GRM3: variants seen among roughly 807,000 people sequenced by gnomAD.
The protein encoded by GRM3 is glutamate metabotropic receptor 3.
Under a neutral mutation model 70.5 loss-of-function variants are expected in GRM3, and 26 were observed. The observed-to-expected ratio is 0.37, with a 90% CI of 0.27 to 0.51. The LOEUF is 0.51. Ranked by LOEUF, GRM3 falls within the 20% of genes least tolerant of loss-of-function variation. GRM3 has a pLI of 0.93. For synonymous variants in GRM3, 443 were observed against 434.9 expected (o/e 1.02, Z -0.23); for missense variants, 859 against 1,123.8 (o/e 0.76, Z 3.37).
At chr7:86,851,435 T>C (rs113396525) in intron 5 of GRM3, among the ~76,000 whole-genome samples, 1 of 152,124 alleles carries the variant, frequency 6.6e-6, no homozygotes, top group Admixed American at 6.6e-5. Context: ...TTCAGCTAAA[T>C]TGTGGTATGA....
At chr7:86,658,441 C>T (rs1051125170) in intron 1 of GRM3, among the ~76,000 whole-genome samples, 8 of 152,142 alleles carry the variant, frequency 5.3e-5, no homozygotes, top group Non-Finnish European at 1.0e-4. Context: ...TGCACTGGTC[C>T]ACTCCAACCC....
intron 1 of GRM3, among the ~76,000 whole-genome samples, chr7:86,731,142 A>G (rs1046533131): frequency 6.6e-6 from 1 of 152,090 alleles, no homozygotes; most frequent in African/African-American, 2.4e-5. Context: ...TAGAGCTATG[A>G]CCTGTATTTC....
chr7:86,705,299 G>C (rs1351694964), intron 1 of GRM3, among the ~76,000 whole-genome samples: 1 of 151,474 alleles, frequency 6.6e-6, no homozygotes, highest in East Asian at 1.9e-4. Flanking sequence ...TCTCATTAAA[G>C]TGAAACACAA....
At chr7:86,759,957 G>C (rs550544508) in intron 1 of GRM3, among the ~76,000 whole-genome samples, 5 of 152,094 alleles carry the variant, frequency 3.3e-5, no homozygotes, top group Non-Finnish European at 7.4e-5. Flanking sequence ...CTAGAGCAAC[G>C]GCTATGCCTT....
At chr7:86,668,300 A>G (rs372594003) in intron 1 of GRM3, among the ~76,000 whole-genome samples, 2 of 151,848 alleles carry the variant, frequency 1.3e-5, no homozygotes, top group East Asian at 3.9e-4. Context: ...GGCCATCATT[A>G]TGAACAAATT....
intron 1 of GRM3, among the ~76,000 whole-genome samples, chr7:86,708,282 G>A (rs1212682449): frequency 6.6e-6 from 1 of 152,062 alleles, no homozygotes; most frequent in African/African-American, 2.4e-5. Flanking sequence ...ATGCCCAGTG[G>A]TCTCTATAGT....
intron 2 of GRM3, among the ~76,000 whole-genome samples, chr7:86,773,302 C>G (rs1265522853): frequency 6.6e-6 from 1 of 151,896 alleles, no homozygotes; most frequent in Non-Finnish European, 1.5e-5. Context: ...AAAATGGTAC[C>G]TTGTATACTT....
intron 3 of GRM3, among the ~76,000 whole-genome samples, chr7:86,821,039 C>T (rs756358784): frequency 1.3e-5 from 2 of 151,970 alleles, no homozygotes; most frequent in Admixed American, 6.6e-5. Context: ...TTTGACACAC[C>T]CCTGTAGCAG....
chr7:86,698,296 G>C (rs1490575387), intron 1 of GRM3, among the ~76,000 whole-genome samples: 2 of 151,808 alleles, frequency 1.3e-5, no homozygotes, highest in Non-Finnish European at 2.9e-5. Flanking sequence ...GAGAGTAAAG[G>C]ATCCCTCAAA....
At chr7:86,717,616 G>A (rs1490351477) in intron 1 of GRM3, among the ~76,000 whole-genome samples, 1 of 151,918 alleles carries the variant, frequency 6.6e-6, no homozygotes, top group Non-Finnish European at 1.5e-5. Context: ...TAGAAATGAT[G>A]CAGATGGTAG....
chr7:86,644,307 T>G lies in GRM3; in HGVS notation c.-706T>G, dbSNP rs1584133468. 4 of 249,556 alleles carry G rather than the reference T, an allele frequency of 1.6e-5. No homozygotes were observed. The highest frequency in any genetic ancestry group is 3.1e-5 in the Non-Finnish European group (4 of 127,488). 15.5% of individuals were successfully genotyped at this position (249,556 alleles called of 1,614,324 possible). On this transcript the variant is annotated 5_prime_UTR_variant, in exon 1 of 6. Coordinates refer to ENST00000361669, the MANE Select transcript of GRM3 (RefSeq NM_000840.3). ...AGATATACCCTTATAAGAGGGAGGG[T>G]GGGGGAGGGAAAAGAACGAGAGAGG...
At chr7:86,832,245 C>CT (rs371453726) in intron 3 of GRM3, among the ~76,000 whole-genome samples, 5,022 of 112,234 alleles carry the variant, frequency 0.045, 241 homozygotes, top group African/African-American at 0.11. Flanking sequence ...TGCTTGTAGC[C>CT]TTTTTTTTTT....
chr7:86,730,178 T>C (rs918090034), intron 1 of GRM3, among the ~76,000 whole-genome samples: 24 of 151,618 alleles, frequency 1.6e-4, no homozygotes, highest in Non-Finnish European at 3.1e-4. Context: ...CCCAGCACAT[T>C]AGGAGGCCGA....
intron 1 of GRM3, among the ~76,000 whole-genome samples, chr7:86,704,064 G>GT (rs1265000532): frequency 3.3e-5 from 5 of 151,872 alleles, no homozygotes; most frequent in South Asian, 2.1e-4. Context: ...GATGATTGAA[G>GT]TTTTTTATGT....
At chr7:86,721,968 A>G (rs1056872128) in intron 1 of GRM3, among the ~76,000 whole-genome samples, 1 of 152,140 alleles carries the variant, frequency 6.6e-6, no homozygotes, top group African/African-American at 2.4e-5. Flanking sequence ...GCAGAACCTT[A>G]AAGTTGAGAA....
At chr7:86,838,530 G>A (rs1798501109) in intron 3 of GRM3, among the ~76,000 whole-genome samples, 1 of 152,092 alleles carries the variant, frequency 6.6e-6, no homozygotes, top group South Asian at 2.1e-4. Flanking sequence ...GGGAATACAT[G>A]CCCATCATAA....
Position 86,764,465 on chromosome 7 carries a change from G to T in GRM3, c.-140-541G>T, listed in dbSNP as rs79284491. ...TGAGGCAGACTCTTAACCTCAATGG[G>T]CTAGGATAGTTCATCTATTAAGGGA... On this transcript the variant is annotated intron_variant, in intron 1 of 5. Coordinates refer to ENST00000361669, the MANE Select transcript of GRM3 (RefSeq NM_000840.3). Among the ~76,000 whole-genome samples the T allele has an allele frequency of 9.1e-3, 1,380 of 152,212 alleles. 18 individuals are homozygous for T. Among genetic ancestry groups the T allele is most frequent in the African/African-American group, 0.032 (1,319 of 41,536 alleles).
chr7:86,815,723 C>A (rs1798002485), intron 3 of GRM3, among the ~76,000 whole-genome samples: 1 of 151,894 alleles, frequency 6.6e-6, no homozygotes, highest in South Asian at 2.1e-4. Context: ...CTATGAATAA[C>A]TATGCCAGAA....
At chr7:86,806,548 T>C (rs1797797667) in intron 3 of GRM3, among the ~76,000 whole-genome samples, 1 of 152,218 alleles carries the variant, frequency 6.6e-6, no homozygotes, top group Non-Finnish European at 1.5e-5. Context: ...AAATGTCTTC[T>C]TTTGAGAAGT....
Sources: allele counts gnomAD v4.1 joint callset (sites outside exome capture counted in the v4.1 genomes callset), GRCh38; gene constraint gnomAD v4.1.1; transcripts MANE v1.5; gene names NCBI Gene and HGNC (gene_info 2026-07-23, HGNC 2026-07-21).